NHSL1: variants seen among roughly 807,000 people sequenced by gnomAD.
NHSL1 encodes NHS like 1.
NHSL1 carries 48 observed loss-of-function variants against 95.0 expected under a neutral mutation model. The observed-to-expected ratio is 0.51, with a 90% CI of 0.40 to 0.64. NHSL1 has a LOEUF of 0.64. Among genes scored for constraint, NHSL1 ranks in the 30% least tolerant of loss-of-function variants. The pLI, the probability that NHSL1 is intolerant of heterozygous loss-of-function variation, is 0.00. For missense variants in NHSL1, 1,971 were observed against 2,077.7 expected, an observed-to-expected ratio of 0.95 and a Z score of 1.00; for synonymous variants, 783 against 833.9, an observed-to-expected ratio of 0.94 and a Z score of 1.05.
chr6:138,681,534 C>G (rs1785511020), intron 1 of NHSL1, among the ~76,000 whole-genome samples: 1 of 152,198 alleles, frequency 6.6e-6, no homozygotes, highest in Non-Finnish European at 1.5e-5. Context: ...CACCAACTAG[C>G]TAATGAGCAC....
intron 3 of NHSL1, among the ~76,000 whole-genome samples, chr6:138,467,444 G>T (rs918351931): frequency 6.6e-6 from 1 of 152,130 alleles, no homozygotes; most frequent in Non-Finnish European, 1.5e-5. Context: ...AAGCCACCAC[G>T]CCCGGCCAGT....
At chr6:138,507,316 G>A (rs1405538138) in intron 1 of NHSL1, among the ~76,000 whole-genome samples, 8 of 152,180 alleles carry the variant, frequency 5.3e-5, no homozygotes, top group Non-Finnish European at 1.2e-4. Flanking sequence ...GGAAGAAAAA[G>A]CAAAAGCAAT....
At chr6:138,691,784 A>G in intron 1 of NHSL1, 1 of 411,286 alleles carries the variant, frequency 2.4e-6, no homozygotes, top group South Asian at 1.8e-5. Flanking sequence ...ATCAGGACAT[A>G]GACTTGACTT....
chr6:138,580,598 T>A (rs185449100), intron 1 of NHSL1, among the ~76,000 whole-genome samples: 2 of 152,302 alleles, frequency 1.3e-5, no homozygotes, highest in African/African-American at 4.8e-5. Flanking sequence ...ACCAACAATT[T>A]AACAACCAGC....
chr6:138,588,524 G>T (rs6923972), intron 1 of NHSL1, among the ~76,000 whole-genome samples: 70,987 of 152,072 alleles, frequency 0.47, 18,689 homozygotes, highest in African/African-American at 0.71. Context: ...ACAAACTGAG[G>T]CTAAGTAAAG....
upstream of NHSL1, among the ~76,000 whole-genome samples, chr6:138,576,771 C>A (rs1243429646): frequency 2.0e-5 from 3 of 152,178 alleles, no homozygotes; most frequent in African/African-American, 7.2e-5. Flanking sequence ...GAGGAGCAGA[C>A]CCTGCATAAT....
intron 3 of NHSL1, among the ~76,000 whole-genome samples, chr6:138,447,405 G>A (rs1776933382): frequency 6.6e-6 from 1 of 152,150 alleles, no homozygotes; most frequent in African/African-American, 2.4e-5. Flanking sequence ...TAAACTGTGA[G>A]GACTGCAAAA....
intron 4 of NHSL1, 137 bp from the exon 5 acceptor site, chr6:138,442,251 G>T: frequency 1.1e-6 from 1 of 887,654 alleles, no homozygotes; most frequent in Non-Finnish European, 1.6e-6. Flanking sequence ...GATGAATGCT[G>T]AAGGGCAAAA....
intron 1 of NHSL1, among the ~76,000 whole-genome samples, chr6:138,652,409 C>T (rs1785104500): frequency 6.8e-6 from 1 of 148,046 alleles, no homozygotes; most frequent in Non-Finnish European, 1.5e-5. Context: ...CATTACACTC[C>T]AGCCTGGGCA....
chr6:138,536,409 G>C (rs540616184), intron 1 of NHSL1, among the ~76,000 whole-genome samples: 27 of 152,272 alleles, frequency 1.8e-4, no homozygotes, highest in Admixed American at 1.5e-3. Context: ...AGCATTAAAA[G>C]TTCTCACTGG....
At chr6:138,508,699 A>G (rs1282896769) in intron 1 of NHSL1, among the ~76,000 whole-genome samples, 1 of 152,066 alleles carries the variant, frequency 6.6e-6, no homozygotes, top group Non-Finnish European at 1.5e-5. Context: ...CCGCTTACCC[A>G]CTTGGCATAC....
Position 138,452,368 on chromosome 6 carries a change from A to G in NHSL1, c.340-5175T>C, listed in dbSNP as rs549345472. Among the ~76,000 whole-genome samples, 17 of 152,348 alleles carry G rather than the reference A, an allele frequency of 1.1e-4. No individual in the cohort carries two copies. The South Asian group carries it at 3.1e-3, about 28-fold the overall frequency. The stretch of plus-strand genomic sequence containing the variant: ...TAGGGTCTCTTTCCCATATATTCTC[A>G]TACGAAATATGCTCTCTTTCTCAGA... On this transcript the variant is annotated intron_variant, in intron 3 of 7. Transcript: ENST00000343505.
chr6:138,666,807 C>T (rs979474378), intron 1 of NHSL1, among the ~76,000 whole-genome samples: 7 of 152,040 alleles, frequency 4.6e-5, no homozygotes, highest in Middle Eastern at 6.4e-3. Context: ...CAAATGTTGA[C>T]GATGACTCGC....
chr6:138,506,702 T>C (rs968819271), intron 1 of NHSL1, among the ~76,000 whole-genome samples: 3 of 152,198 alleles, frequency 2.0e-5, no homozygotes, highest in African/African-American at 4.8e-5. Context: ...AAGAGTTTGA[T>C]AGGAGTAGCT....
At chr6:138,559,691 A>G (rs1487508759) in intron 1 of NHSL1, among the ~76,000 whole-genome samples, 2 of 152,258 alleles carry the variant, frequency 1.3e-5, no homozygotes, top group East Asian at 3.8e-4. Flanking sequence ...CACATGCATA[A>G]TAACACCCTA....
intron 1 of NHSL1, among the ~76,000 whole-genome samples, chr6:138,681,558 T>G (rs757901740): frequency 6.6e-6 from 1 of 152,202 alleles, no homozygotes; most frequent in Non-Finnish European, 1.5e-5. Flanking sequence ...TGGAATATCC[T>G]GGGAGAAGCA....
chr6:138,559,212 G>A (rs1244523404), intron 1 of NHSL1, among the ~76,000 whole-genome samples: 3 of 152,240 alleles, frequency 2.0e-5, no homozygotes, highest in Non-Finnish European at 4.4e-5. Flanking sequence ...TGGACAGTAG[G>A]CTGGTAAATA....
At chr6:138,595,107 T>C (rs1367801670) in intron 1 of NHSL1, among the ~76,000 whole-genome samples, 1 of 152,246 alleles carries the variant, frequency 6.6e-6, no homozygotes, top group African/African-American at 2.4e-5. Context: ...TCACAGGGTG[T>C]AGGCCTCTGC....
intron 1 of NHSL1, among the ~76,000 whole-genome samples, chr6:138,688,923 C>T (rs572796202): frequency 6.6e-6 from 1 of 152,282 alleles, no homozygotes; most frequent in South Asian, 2.1e-4. Context: ...CGATCACTTA[C>T]ATTGGTAGCA....
Sources: gnomAD v4.1 joint callset for allele counts (sites outside exome capture counted in the v4.1 genomes callset) on GRCh38, gnomAD v4.1.1 for gene constraint, MANE v1.5 for transcripts, NCBI Gene and HGNC (gene_info 2026-07-23, HGNC 2026-07-21) for gene names.